Variants in OR1J2 observed in about 807,000 individuals in gnomAD.
OR1J2 encodes olfactory receptor family 1 subfamily J member 2.
For missense variants in OR1J2, 304 were observed against 246.1 expected, an observed-to-expected ratio of 1.24 and a Z score of -1.57; for synonymous variants, 142 against 99.7, an observed-to-expected ratio of 1.42 and a Z score of -2.52.
chr9:122,515,476 C>T (rs1380077845), downstream of OR1J2, among the ~76,000 whole-genome samples: 3 of 149,674 alleles, frequency 2.0e-5, no homozygotes, highest in Non-Finnish European at 4.4e-5. Context: ...ACAATCACCA[C>T]CGGCCAATGA....
At chr9:122,519,954 G>A in the OR1J2 span, 22 of 1,614,010 alleles carry the variant, frequency 1.4e-5, no homozygotes, top group East Asian at 1.6e-4. Flanking sequence ...TGACAAGGAC[G>A]TAATTGCCTC....
the OR1J2 span, among the ~76,000 whole-genome samples, chr9:122,459,633 T>C: frequency 6.6e-6 from 1 of 152,208 alleles, no homozygotes; most frequent in Non-Finnish European, 1.5e-5. Flanking sequence ...TCCTCATTTC[T>C]CATTTCTGAA....
the OR1J2 span, among the ~76,000 whole-genome samples, chr9:122,552,116 G>A: frequency 6.8e-5 from 9 of 131,648 alleles, no homozygotes; most frequent in African/African-American, 2.5e-4. Context: ...TTCCCAGTTC[G>A]ATGATCAGGT....
the OR1J2 span, among the ~76,000 whole-genome samples, chr9:122,532,545 G>A: frequency 4.7e-5 from 7 of 147,748 alleles, no homozygotes; most frequent in East Asian, 1.0e-3. Context: ...CAGGAACAAT[G>A]GTAATTGTGG....
At chr9:122,485,678 CAG>C in the OR1J2 span, among the ~76,000 whole-genome samples, 3 of 152,296 alleles carry the variant, frequency 2.0e-5, no homozygotes, top group Admixed American at 1.3e-4. Flanking sequence ...CACTCTAACT[CAG>C]ATAGAATGGC....
At chr9:122,572,276 A>G in the OR1J2 span, among the ~76,000 whole-genome samples, 1 of 152,338 alleles carries the variant, frequency 6.6e-6, no homozygotes, top group South Asian at 2.1e-4. Flanking sequence ...GATCCAAACC[A>G]TATCAAATAG....
At chr9:122,543,906 G>A in the OR1J2 span, among the ~76,000 whole-genome samples, 1 of 152,212 alleles carries the variant, frequency 6.6e-6, no homozygotes, top group Non-Finnish European at 1.5e-5. Context: ...GTTATTTAAA[G>A]CCATTAAGTT....
chr9:122,527,130 G>A, the OR1J2 span: 4 of 1,614,122 alleles, frequency 2.5e-6, no homozygotes, highest in East Asian at 2.2e-5. Context: ...GTACATGGGG[G>A]TGTGGAGGTG....
downstream of OR1J2, among the ~76,000 whole-genome samples, chr9:122,512,050 A>T (rs1040284309): frequency 3.3e-5 from 5 of 152,214 alleles, no homozygotes; most frequent in Non-Finnish European, 5.9e-5. Flanking sequence ...GGAGACATAT[A>T]TATTTTTGGC....
At chr9:122,553,750 T>C in the OR1J2 span, 1 of 1,614,046 alleles carries the variant, frequency 6.2e-7, no homozygotes, top group East Asian at 2.2e-5. Flanking sequence ...ATCCCTCATT[T>C]CTATTGTGAT....
the OR1J2 span, among the ~76,000 whole-genome samples, chr9:122,573,703 T>A: frequency 5.6e-4 from 86 of 152,356 alleles, no homozygotes; most frequent in Admixed American, 9.8e-4. Flanking sequence ...TATTTTTTTA[T>A]TCTCTTGACA....
Position 122,510,911 on chromosome 9 carries a change from C to T in OR1J2, c.110C>T (p.Thr37Ile). ...FFTLFLGMYLTTVLGNLLIML... is the reference protein window; with the variant it reads ...FFTLFLGMYLITVLGNLLIML... Reference sequence around the variant, plus strand: ...ACCCTGTTCCTGGGCATGTACCTGACCACGGTGCTGGGGAACCTGCTCATC... The same window carrying T: ...ACCCTGTTCCTGGGCATGTACCTGATCACGGTGCTGGGGAACCTGCTCATC... The change falls in exon 1 of 1, where the codon ACC becomes ATC. Residue 37 changes from threonine (T) to isoleucine (I), a missense_variant. Physicochemically the swap from Thr to Ile is moderately conservative, Grantham distance 89 (BLOSUM62 -1). Transcript: ENST00000335302. The T allele has an allele frequency of 6.2e-7, 1 of 1,612,406 alleles. No homozygotes were observed.
At chr9:122,548,323 A>G in the OR1J2 span, among the ~76,000 whole-genome samples, 1 of 152,182 alleles carries the variant, frequency 6.6e-6, no homozygotes, top group Non-Finnish European at 1.5e-5. Context: ...GTTTCTTTAT[A>G]TACATTTCCC....
upstream of OR1J2, among the ~76,000 whole-genome samples, chr9:122,507,253 C>T (rs1236608491): frequency 2.0e-5 from 3 of 151,886 alleles, no homozygotes; most frequent in Non-Finnish European, 4.4e-5. Flanking sequence ...TCAGAGGGCA[C>T]CTGAAGATGA....
chr9:122,460,209 A>G, the OR1J2 span, among the ~76,000 whole-genome samples: 1 of 151,688 alleles, frequency 6.6e-6, no homozygotes, highest in African/African-American at 2.4e-5. Flanking sequence ...ACACACACAT[A>G]TATACATATT....
At chr9:122,485,601 T>G in the OR1J2 span, among the ~76,000 whole-genome samples, 37 of 152,240 alleles carry the variant, frequency 2.4e-4, no homozygotes, top group Non-Finnish European at 4.7e-4. Context: ...GAAAAAGGGC[T>G]TTAAGTTTCC....
the OR1J2 span, among the ~76,000 whole-genome samples, chr9:122,573,365 A>G: frequency 6.6e-6 from 1 of 152,234 alleles, no homozygotes; most frequent in African/African-American, 2.4e-5. Context: ...TCCTCAAGTA[A>G]TGGTTATCAA....
chr9:122,564,247 G>C, the OR1J2 span, among the ~76,000 whole-genome samples: 1 of 152,120 alleles, frequency 6.6e-6, no homozygotes, highest in Non-Finnish European at 1.5e-5. Flanking sequence ...GTGTCCACTC[G>C]ATCCCAAAAC....
At chr9:122,568,477 T>C in the OR1J2 span, 7 of 1,560,018 alleles carry the variant, frequency 4.5e-6, no homozygotes, top group African/African-American at 5.5e-5. Flanking sequence ...ATTCTTTCCA[T>C]TGACTTGGGC....
Sources: allele counts gnomAD v4.1 joint callset (sites outside exome capture counted in the v4.1 genomes callset), GRCh38; gene constraint gnomAD v4.1.1; transcripts MANE v1.5; gene names NCBI Gene and HGNC (gene_info 2026-07-23, HGNC 2026-07-21).